Variants in NTM observed in about 807,000 individuals in gnomAD.
NTM encodes the protein neurotrimin, also known as IgLON family member 2.
A neutral mutation model predicts 42.1 loss-of-function variants in NTM; 13 were observed. That is an observed-to-expected ratio of 0.31 (90% CI 0.20 to 0.49). The LOEUF is 0.49. Ranked by LOEUF, NTM falls within the 20% of genes least tolerant of loss-of-function variation. The probability of loss-of-function intolerance (pLI) is 0.99; values close to 1 mark genes in which losing one functional copy is unlikely to be tolerated. For missense variants in NTM, 373 were observed against 452.8 expected, an observed-to-expected ratio of 0.82 and a Z score of 1.60; for synonymous variants, 187 against 179.2, an observed-to-expected ratio of 1.04 and a Z score of -0.35.
chr11:131,763,707 C>CTTTTTTTTTTTTTT (rs1443279848), intron 1 of NTM, among the ~76,000 whole-genome samples: 3 of 60,766 alleles, frequency 4.9e-5, no homozygotes, highest in African/African-American at 8.7e-5. Context: ...CCATCTCTCT[C>CTTTTTTTTTTTTTT]TCTTTTTTTT....
At chr11:131,669,788 T>C (rs1333743444) in intron 1 of NTM, among the ~76,000 whole-genome samples, 1 of 152,122 alleles carries the variant, frequency 6.6e-6, no homozygotes, top group African/African-American at 2.4e-5. Flanking sequence ...AAATAAACCA[T>C]ATTAAAACTA....
At chr11:132,093,361 T>C (rs1160526584) in intron 2 of NTM, among the ~76,000 whole-genome samples, 5 of 152,214 alleles carry the variant, frequency 3.3e-5, no homozygotes, top group African/African-American at 4.8e-5. Context: ...CATGAAACAC[T>C]AGAAAGAGCA....
In NTM at chr11:131,634,275, C is replaced by T. The variant is rs904921720; in HGVS notation, c.82+263387C>T. 2.8e-4 allele frequency among the ~76,000 whole-genome samples: 42 copies of T among 151,956 alleles called. 1 individual carries two copies. Among genetic ancestry groups the T allele is most frequent in the Admixed American group, 2.5e-3 (38 of 15,264 alleles). On this transcript the variant is annotated intron_variant, in intron 1 of 8. Transcript: ENST00000683400. Reference sequence around the variant, plus strand: ...CGGAGGCATCTATGATTGAATGCGTCGAAAATTGGCTGAAATTGAAAGTTA... The same window carrying T: ...CGGAGGCATCTATGATTGAATGCGTTGAAAATTGGCTGAAATTGAAAGTTA...
At chr11:131,645,239 A>C (rs1320252267) in intron 1 of NTM, among the ~76,000 whole-genome samples, 4 of 152,192 alleles carry the variant, frequency 2.6e-5, no homozygotes, top group African/African-American at 9.7e-5. Context: ...GTTTAGTTTT[A>C]ATGACAAGGC....
intron 1 of NTM, among the ~76,000 whole-genome samples, chr11:131,838,370 C>T (rs2043788403): frequency 6.6e-6 from 1 of 152,190 alleles, no homozygotes; most frequent in Non-Finnish European, 1.5e-5. Context: ...TAGTGATTTA[C>T]ATATCTATGG....
At chr11:131,690,821 C>T (rs1234138740) in intron 1 of NTM, among the ~76,000 whole-genome samples, 1 of 152,190 alleles carries the variant, frequency 6.6e-6, no homozygotes, top group Non-Finnish European at 1.5e-5. Flanking sequence ...CTGAGGCACA[C>T]GGCGGGTGAA....
At chr11:131,472,292 A>T (rs1161564594) in intron 1 of NTM, among the ~76,000 whole-genome samples, 2 of 152,024 alleles carry the variant, frequency 1.3e-5, no homozygotes, top group Non-Finnish European at 2.9e-5. Context: ...CTCCGGTACC[A>T]CTCTTGCCCA....
chr11:131,753,691 A>G (rs529836749), intron 1 of NTM, among the ~76,000 whole-genome samples: 2 of 151,810 alleles, frequency 1.3e-5, no homozygotes, highest in South Asian at 4.2e-4. Flanking sequence ...GAATTGAACA[A>G]TGAGAACACA....
chr11:131,900,180 T>C (rs1204254059), intron 1 of NTM, among the ~76,000 whole-genome samples: 5 of 151,946 alleles, frequency 3.3e-5, no homozygotes. Context: ...CCCGAGACCA[T>C]GGGGACTGCA....
In NTM at chr11:132,278,546, AC is replaced by A. The variant is rs991752789; in HGVS notation, c.527-29140del. Among the ~76,000 whole-genome samples the A allele has an allele frequency of 1.4e-3, 209 of 152,206 alleles. 1 individual carries two copies. Among genetic ancestry groups the A allele is most frequent in the African/African-American group, 4.9e-3 (205 of 41,522 alleles). ...CAGGCAGAAACTACATTGCAGCCCC[AC>A]CCAGACACAAGAGACACAAGTGGAA... On this transcript the variant is annotated intron_variant, in intron 4 of 8. Coordinates refer to ENST00000683400, the MANE Select transcript of NTM (RefSeq NM_001352005.2).
At chr11:131,647,735 C>T (rs2065942846) in intron 1 of NTM, among the ~76,000 whole-genome samples, 1 of 151,980 alleles carries the variant, frequency 6.6e-6, no homozygotes, top group African/African-American at 2.4e-5. Flanking sequence ...TATATTATAC[C>T]ATGCTGGGTC....
chr11:132,321,379 T>TGCAGAAGCC (rs2095564925), intron 7 of NTM, among the ~76,000 whole-genome samples: 2 of 152,168 alleles, frequency 1.3e-5, no homozygotes, highest in African/African-American at 2.4e-5. Flanking sequence ...ACGTGAAGAA[T>TGCAGAAGCC]GCAGAAGCCT....
At chr11:132,028,752 A>T (rs182526700) in intron 2 of NTM, among the ~76,000 whole-genome samples, 1 of 152,148 alleles carries the variant, frequency 6.6e-6, no homozygotes, top group East Asian at 1.9e-4. Context: ...CTCTGGTAAT[A>T]TAATTTCTAT....
chr11:131,409,749 G>A (rs775278056), intron 1 of NTM, among the ~76,000 whole-genome samples: 9 of 152,190 alleles, frequency 5.9e-5, no homozygotes, highest in Admixed American at 1.3e-4. Flanking sequence ...CATAAAGCCT[G>A]CCTTTGGAAG....
chr11:132,023,854 T>C (rs545417068), intron 2 of NTM, among the ~76,000 whole-genome samples: 1 of 152,084 alleles, frequency 6.6e-6, no homozygotes, highest in East Asian at 1.9e-4. Context: ...AGTCTCACTC[T>C]GTCGCCCAGG....
At chr11:131,639,750 G>A (rs1456380744) in intron 1 of NTM, among the ~76,000 whole-genome samples, 1 of 152,108 alleles carries the variant, frequency 6.6e-6, no homozygotes, top group Non-Finnish European at 1.5e-5. Context: ...AAGGTCAGGA[G>A]TTCGAGACCA....
intron 1 of NTM, among the ~76,000 whole-genome samples, chr11:131,875,411 T>C (rs1389329053): frequency 6.6e-6 from 1 of 152,262 alleles, no homozygotes; most frequent in Non-Finnish European, 1.5e-5. Flanking sequence ...TGGTAGGCTC[T>C]GAATTTTTGG....
At chr11:131,944,405 C>T (rs2060133451) in intron 2 of NTM, among the ~76,000 whole-genome samples, 1 of 152,208 alleles carries the variant, frequency 6.6e-6, no homozygotes, top group African/African-American at 2.4e-5. Flanking sequence ...AGGCAGGTCA[C>T]TGCTTCATGC....
intron 1 of NTM, among the ~76,000 whole-genome samples, chr11:131,693,509 A>G (rs750122207): frequency 6.6e-6 from 1 of 152,222 alleles, no homozygotes; most frequent in Non-Finnish European, 1.5e-5. Flanking sequence ...AAGGAGACTC[A>G]GGCCCCGTGC....
Sources: gnomAD v4.1 joint callset for allele counts (sites outside exome capture counted in the v4.1 genomes callset) on GRCh38, gnomAD v4.1.1 for gene constraint, MANE v1.5 for transcripts, NCBI Gene and HGNC (gene_info 2026-07-23, HGNC 2026-07-21) for gene names.